Variants in FAM227A observed in about 807,000 individuals in gnomAD.
FAM227A encodes the protein protein FAM227A.
FAM227A carries 80 observed loss-of-function variants against 74.7 expected under a neutral mutation model. The ratio of observed to expected loss-of-function variants is 1.07; its 90% confidence interval spans 0.89 to 1.29. The LOEUF is 1.29. FAM227A is among the 50% of genes most tolerant of loss of function. FAM227A has a pLI of 0.00. For missense variants in FAM227A, 654 were observed against 683.4 expected (o/e 0.96, Z 0.48); for synonymous variants, 237 against 241.8 (o/e 0.98, Z 0.19).
intron 13 of FAM227A, among the ~76,000 whole-genome samples, chr22:38,603,293 G>T (rs985587432): frequency 6.6e-6 from 1 of 151,988 alleles, no homozygotes. Context: ...TTTGAGACCC[G>T]CCTGACCAAC....
At chr22:38,640,461 G>T (rs556569790) in intron 3 of FAM227A, among the ~76,000 whole-genome samples, 1 of 152,258 alleles carries the variant, frequency 6.6e-6, no homozygotes, top group Admixed American at 6.5e-5. Flanking sequence ...TCTCAAGAGA[G>T]ACTTCTCTTG....
At chr22:38,628,217 T>C (rs554369123) in intron 8 of FAM227A, 21 bp downstream of exon 8, 3 of 1,411,994 alleles carry the variant, frequency 2.1e-6, no homozygotes, top group East Asian at 5.0e-5. Context: ...ACTTTTTTTC[T>C]AGATAGTGGC....
At chr22:38,605,107 TAGA>T in intron 13 of FAM227A, 144 bp downstream of exon 13, 1 of 556,274 alleles carries the variant, frequency 1.8e-6, no homozygotes, top group South Asian at 2.6e-5. Context: ...ACTGTGACAG[TAGA>T]AGAAAATGCA....
Position 38,582,907 on chromosome 22 carries a change from TAAG to T in FAM227A, c.*3215_*3217del. ...GAAGGCTCCCAAGATGAGGGACGTC[TAAG>T]CGGGGTCCTGGAGGAAGAGCAGGAA... On this transcript the variant is annotated 3_prime_UTR_variant, in exon 17 of 17. Transcript: ENST00000535113. The T allele has an allele frequency of 6.4e-7, 1 of 1,550,418 alleles. No homozygotes were observed. The highest frequency in any genetic ancestry group is 1.2e-5 in the South Asian group (1 of 84,048).
chr22:38,621,586 C>T (rs941141237), intron 10 of FAM227A, among the ~76,000 whole-genome samples: 1 of 152,134 alleles, frequency 6.6e-6, no homozygotes, highest in Non-Finnish European at 1.5e-5. Flanking sequence ...GCCTGGGCGA[C>T]AGAGCAAGAC....
chr22:38,611,148 A>G (rs1294064390), intron 11 of FAM227A, among the ~76,000 whole-genome samples: 1 of 152,214 alleles, frequency 6.6e-6, no homozygotes, highest in African/African-American at 2.4e-5. Context: ...GGTGACTACC[A>G]TAAGGGTTGG....
chr22:38,597,160 A>G (rs2146190915), intron 15 of FAM227A, 44 bp downstream of exon 15: 1 of 1,540,382 alleles, frequency 6.5e-7, no homozygotes, highest in Non-Finnish European at 8.8e-7. Flanking sequence ...GTGCTGCAAA[A>G]GATAAGTGCG....
In FAM227A at chr22:38,605,253, CCT is replaced by C. The variant is rs1295537992; in HGVS notation, c.1220_1221del (p.Lys407IlefsTer9). The C allele has an allele frequency of 1.3e-6, 2 of 1,531,290 alleles. No homozygotes were observed. The highest frequency in any genetic ancestry group is 2.4e-5 in the South Asian group (2 of 83,644). 94.9% of individuals were successfully genotyped at this position (1,531,290 alleles called of 1,614,324 possible). On this transcript the variant is annotated frameshift_variant and splice_region_variant, in exon 13 of 17. Coordinates refer to ENST00000535113, the MANE Select transcript of FAM227A (RefSeq NM_001013647.2). LOFTEE classifies it high-confidence loss of function. The part of the protein sequence containing the change: ...ARECENMFPK[K>X]SCAACKSPEL... ...TATTAAATTTCCAATCATGTGCTCA[CCT>C]TTTTAGGAAACATATTCTCACATTC...
chr22:38,649,180 T>C (rs1009263913), intron 2 of FAM227A, among the ~76,000 whole-genome samples: 52 of 152,236 alleles, frequency 3.4e-4, no homozygotes, highest in African/African-American at 1.2e-3. Context: ...TTTGGGGCTC[T>C]TTCTGATTAT....
intron 2 of FAM227A, among the ~76,000 whole-genome samples, chr22:38,646,557 C>T (rs1273183438): frequency 2.0e-5 from 3 of 151,896 alleles, no homozygotes; most frequent in South Asian, 2.1e-4. Context: ...CCACCGCGCC[C>T]GGCCCAGTAT....
chr22:38,586,232 T>C (rs1490814351), intron 16 of FAM227A, 33 bp from the exon 17 acceptor site: 38 of 1,546,728 alleles, frequency 2.5e-5, no homozygotes, highest in Non-Finnish European at 3.2e-5. Context: ...AAAACAAAAA[T>C]TAATTTAAAA....
intron 11 of FAM227A, among the ~76,000 whole-genome samples, chr22:38,613,245 A>C (rs1175018245): frequency 1.9e-4 from 16 of 82,224 alleles, no homozygotes; most frequent in African/African-American, 5.6e-4. Context: ...TATAATATAT[A>C]ATATATAACA....
At chr22:38,587,737 A>G (rs1476336165) in intron 16 of FAM227A, among the ~76,000 whole-genome samples, 1 of 152,218 alleles carries the variant, frequency 6.6e-6, no homozygotes, top group Non-Finnish European at 1.5e-5. Context: ...TTATGGGGCC[A>G]GCATTATACT....
intron 6 of FAM227A, among the ~76,000 whole-genome samples, chr22:38,636,051 A>G (rs553225676): frequency 6.6e-6 from 1 of 150,564 alleles, no homozygotes; most frequent in South Asian, 2.1e-4. Context: ...AGAGAGAGAA[A>G]GAAGGAAAGA....
chr22:38,608,437 C>CT (rs962368881), intron 11 of FAM227A, among the ~76,000 whole-genome samples: 180 of 146,578 alleles, frequency 1.2e-3, no homozygotes, highest in Middle Eastern at 3.6e-3. Flanking sequence ...CTCAGGGATT[C>CT]TTTTTTTTTT....
At position 38,584,272 on chromosome 22, in the gene FAM227A, G is replaced by A. The variant is rs1037369468; in HGVS notation, c.*1853C>T. On this transcript the variant is annotated 3_prime_UTR_variant, in exon 17 of 17. Transcript: ENST00000535113. ...CCTAGTGCAGGGATGGTACAGAATA[G>A]ACATCTAGCAAATACCTAATCATCC... is the stretch of plus-strand genomic sequence containing the variant. 6.6e-6 allele frequency: 1 copy of A among 152,076 alleles called. No individual in the cohort carries two copies. The highest frequency in any genetic ancestry group is 2.4e-5 in the African/African-American group (1 of 41,362). 9.4% of individuals were successfully genotyped at this position (152,076 alleles called of 1,614,324 possible). A position where few individuals can be genotyped will look rare whatever the true frequency, so the allele number is the denominator to read the frequency against.
At chr22:38,618,909 G>A (rs1048418060) in intron 11 of FAM227A, among the ~76,000 whole-genome samples, 1 of 151,240 alleles carries the variant, frequency 6.6e-6, no homozygotes, top group Non-Finnish European at 1.5e-5. Context: ...AAAACAGGCA[G>A]TGAAAGGTCT....
intron 10 of FAM227A, 54 bp from the exon 11 acceptor site, chr22:38,620,345 T>C: frequency 3.6e-6 from 5 of 1,407,940 alleles, no homozygotes; most frequent in Non-Finnish European, 2.0e-6. Context: ...ACAATGAAGA[T>C]TGTAGCCCAG....
At chr22:38,641,648 T>C (rs1342359767) in intron 3 of FAM227A, among the ~76,000 whole-genome samples, 1 of 152,034 alleles carries the variant, frequency 6.6e-6, no homozygotes, top group Non-Finnish European at 1.5e-5. Flanking sequence ...TTCATCATTG[T>C]AATCCTCTGC....
Sources: gnomAD v4.1 joint callset for allele counts (sites outside exome capture counted in the v4.1 genomes callset) on GRCh38, gnomAD v4.1.1 for gene constraint, MANE v1.5 for transcripts, NCBI Gene and HGNC (gene_info 2026-07-23, HGNC 2026-07-21) for gene names.